Variants in SPAG16 observed in about 807,000 individuals in gnomAD.
The protein encoded by SPAG16 is sperm associated antigen 16, also known as sperm-associated antigen 16 protein.
SPAG16 carries 86 observed loss-of-function variants against 80.4 expected under a neutral mutation model. The observed-to-expected ratio is 1.07, with a 90% CI of 0.90 to 1.28. The LOEUF is 1.28. SPAG16 is among the 50% of genes most tolerant of loss of function. SPAG16 has a pLI of 0.00. For synonymous variants in SPAG16, 294 were observed against 265.9 expected (o/e 1.11, Z -1.03); for missense variants, 870 against 765.3 (o/e 1.14, Z -1.61).
chr2:213,866,101 T>C (rs1413671786), intron 11 of SPAG16, among the ~76,000 whole-genome samples: 2 of 151,540 alleles, frequency 1.3e-5, no homozygotes, highest in Non-Finnish European at 2.9e-5. Flanking sequence ...AGCAGTTTTA[T>C]GAGTGAGTTT....
At chr2:213,355,743 A>G (rs999648649) in intron 7 of SPAG16, among the ~76,000 whole-genome samples, 3 of 152,188 alleles carry the variant, frequency 2.0e-5, no homozygotes. Context: ...GAAGTTGCTT[A>G]TCAGCTTAAG....
intron 13 of SPAG16, among the ~76,000 whole-genome samples, chr2:214,106,841 ATG>A (rs2053409189): frequency 6.6e-6 from 1 of 152,082 alleles, no homozygotes; most frequent in Non-Finnish European, 1.5e-5. Context: ...TGTTCCAGAA[ATG>A]TGTGAGGCAA....
chr2:213,622,957 AGT>A (rs1423489547), intron 10 of SPAG16, among the ~76,000 whole-genome samples: 3 of 152,132 alleles, frequency 2.0e-5, no homozygotes, highest in African/African-American at 7.2e-5. Flanking sequence ...GCACACATGG[AGT>A]GTGTGTGAAG....
intron 10 of SPAG16, among the ~76,000 whole-genome samples, chr2:213,661,176 T>C (rs890787700): frequency 4.6e-5 from 7 of 152,222 alleles, no homozygotes; most frequent in Admixed American, 4.6e-4. Context: ...AATATATGTT[T>C]GGTGTGCATA....
Position 213,518,434 on chromosome 2 carries a change from C to T in SPAG16, c.1070+28344C>T, listed in dbSNP as rs1404035164. Among the ~76,000 whole-genome samples the T allele has an allele frequency of 2.6e-5, 4 of 152,014 alleles. No individual in the cohort carries two copies. In the East Asian group the frequency reaches 5.8e-4, roughly 22 times the overall value. On this transcript the variant is annotated intron_variant, in intron 10 of 15. Transcript: ENST00000331683. ...ACATGCTGAGGCAGGTTTTTTTTTC[C>T]TGTAGAGACAAGGTTTTGCTTTGTT... is the stretch of plus-strand genomic sequence containing the variant.
intron 9 of SPAG16, among the ~76,000 whole-genome samples, chr2:213,386,034 A>G (rs945557862): frequency 6.6e-6 from 1 of 152,174 alleles, no homozygotes; most frequent in African/African-American, 2.4e-5. Flanking sequence ...TAACATGACA[A>G]TTCACAAATA....
intron 11 of SPAG16, among the ~76,000 whole-genome samples, chr2:213,925,634 G>C (rs991072419): frequency 6.6e-6 from 1 of 152,168 alleles, no homozygotes; most frequent in Non-Finnish European, 1.5e-5. Context: ...TTACAGACAT[G>C]GGCCTCTATG....
At chr2:214,307,946 A>AATTT (rs1156966205) in intron 15 of SPAG16, among the ~76,000 whole-genome samples, 1 of 152,084 alleles carries the variant, frequency 6.6e-6, no homozygotes, top group Non-Finnish European at 1.5e-5. Flanking sequence ...TATCTTTGTT[A>AATTT]ATTTTCTGTC....
intron 10 of SPAG16, among the ~76,000 whole-genome samples, chr2:213,625,910 A>C (rs1175168150): frequency 1.3e-5 from 2 of 151,908 alleles, no homozygotes; most frequent in African/African-American, 4.8e-5. Context: ...GGCTGGTCTC[A>C]AACTCCTGAC....
chr2:213,421,428 T>C (rs1350069512), intron 9 of SPAG16, among the ~76,000 whole-genome samples: 1 of 152,182 alleles, frequency 6.6e-6, no homozygotes, highest in African/African-American at 2.4e-5. Flanking sequence ...AGGTGCCCCT[T>C]GGCATGAACA....
chr2:214,238,268 C>T (rs532648045), intron 15 of SPAG16: 9 of 300,526 alleles, frequency 3.0e-5, no homozygotes, highest in East Asian at 1.1e-4. Context: ...TTTTATGCCT[C>T]GTTTTCCATC....
chr2:213,903,575 C>T (rs988548342), intron 11 of SPAG16, among the ~76,000 whole-genome samples: 1 of 152,122 alleles, frequency 6.6e-6, no homozygotes, highest in Non-Finnish European at 1.5e-5. Context: ...ACCATTTTCT[C>T]CTAGGCCTCT....
intron 10 of SPAG16, among the ~76,000 whole-genome samples, chr2:213,608,625 A>G (rs2061343858): frequency 6.6e-6 from 1 of 152,222 alleles, no homozygotes; most frequent in Non-Finnish European, 1.5e-5. Context: ...ATAGTGCCAC[A>G]AGAAACATTC....
At chr2:214,163,146 C>T (rs2056514811) in intron 15 of SPAG16, among the ~76,000 whole-genome samples, 1 of 151,984 alleles carries the variant, frequency 6.6e-6, no homozygotes, top group Non-Finnish European at 1.5e-5. Context: ...TATTTTGAGG[C>T]TATGTTTCCA....
chr2:214,223,781 G>A (rs1376395611), intron 15 of SPAG16, among the ~76,000 whole-genome samples: 1 of 152,060 alleles, frequency 6.6e-6, no homozygotes, highest in Non-Finnish European at 1.5e-5. Context: ...TAATAAATAG[G>A]TATTCAAGTG....
Position 213,896,698 on chromosome 2 carries a change from T to C in SPAG16, c.1215-33262T>C, listed in dbSNP as rs190759559. Among the ~76,000 whole-genome samples the C allele has an allele frequency of 1.8e-4, 28 of 152,022 alleles. No individual in the cohort carries two copies. The East Asian group carries it at 5.2e-3, about 28-fold the overall frequency. On this transcript the variant is annotated intron_variant, in intron 11 of 15. Transcript: ENST00000331683. The stretch of plus-strand genomic sequence containing the variant: ...CCATATATACATATATATGATAGAA[T>C]ATCATTTAGCTATACCAAAATGAAA...
chr2:213,696,414 G>T, intron 10 of SPAG16, among the ~76,000 whole-genome samples: 1 of 152,094 alleles, frequency 6.6e-6, no homozygotes, highest in South Asian at 2.1e-4. Flanking sequence ...CTTGTGGGTG[G>T]TAAAGCCATG....
rs1186936775 is a variant in SPAG16, at chr2:214,300,154, GT to G, written c.1721-109981del. On this transcript the variant is annotated intron_variant, in intron 15 of 15. Coordinates refer to ENST00000331683, the MANE Select transcript of SPAG16 (RefSeq NM_024532.5). ...CATAAATTAAGAATTCTCACATATA[GT>G]TTTTAAATTCTGGAAAAATTAGGTA... Among the ~76,000 whole-genome samples the G allele has an allele frequency of 2.6e-5, 4 of 152,106 alleles. No homozygotes were observed. In the East Asian group the frequency reaches 7.7e-4, roughly 29 times the overall value.
chr2:214,138,383 T>C (rs545594500), intron 14 of SPAG16, among the ~76,000 whole-genome samples: 2 of 152,146 alleles, frequency 1.3e-5, no homozygotes, highest in Middle Eastern at 3.4e-3. Flanking sequence ...TAAGAATTCT[T>C]CTCACGCCCT....
Sources: gnomAD v4.1 joint callset for allele counts (sites outside exome capture counted in the v4.1 genomes callset) on GRCh38, gnomAD v4.1.1 for gene constraint, MANE v1.5 for transcripts, NCBI Gene and HGNC (gene_info 2026-07-23, HGNC 2026-07-21) for gene names.